Variants in EXOC4 observed in about 807,000 individuals in gnomAD.
EXOC4 encodes exocyst complex component 4.
EXOC4 carries 71 observed loss-of-function variants against 107.2 expected under a neutral mutation model. The observed-to-expected ratio is 0.66, with a 90% CI of 0.55 to 0.81. The LOEUF (loss-of-function observed/expected upper bound fraction) is 0.81, where lower values mean the gene tolerates loss of function less well. EXOC4 is among the 30% of genes least tolerant of loss of function. EXOC4 has a pLI of 0.00. For synonymous variants in EXOC4, 456 were observed against 441.2 expected, an observed-to-expected ratio of 1.03 and a Z score of -0.42; for missense variants, 1,108 against 1,189.6, an observed-to-expected ratio of 0.93 and a Z score of 1.01.
At chr7:133,294,168 G>T (rs546084688) in intron 3 of EXOC4, among the ~76,000 whole-genome samples, 4 of 152,158 alleles carry the variant, frequency 2.6e-5, no homozygotes, top group Non-Finnish European at 4.4e-5. Flanking sequence ...TACAAAGAGT[G>T]ATTAATTCTG....
chr7:133,533,190 G>A (rs949899900), intron 9 of EXOC4, among the ~76,000 whole-genome samples: 1 of 152,058 alleles, frequency 6.6e-6, no homozygotes, highest in East Asian at 1.9e-4. Flanking sequence ...AACCATTTCT[G>A]TTTAGTATTT....
At chr7:133,900,285 A>T (rs1180380073) in intron 12 of EXOC4, among the ~76,000 whole-genome samples, 1 of 152,234 alleles carries the variant, frequency 6.6e-6, no homozygotes, top group Non-Finnish European at 1.5e-5. Flanking sequence ...TTAATTCATG[A>T]CAGAAAATAT....
chr7:133,563,704 G>T (rs569051802), intron 9 of EXOC4, among the ~76,000 whole-genome samples: 1 of 152,220 alleles, frequency 6.6e-6, no homozygotes, highest in African/African-American at 2.4e-5. Context: ...TAAGTTAGTG[G>T]GGAAAATTTA....
chr7:133,520,062 G>C (rs118190597), intron 9 of EXOC4, among the ~76,000 whole-genome samples: 1 of 152,036 alleles, frequency 6.6e-6, no homozygotes, highest in Non-Finnish European at 1.5e-5. Flanking sequence ...TACTTCTTGC[G>C]TAATGAAAGA....
chr7:134,056,404 T>C (rs572948193), intron 17 of EXOC4, among the ~76,000 whole-genome samples: 1 of 152,366 alleles, frequency 6.6e-6, no homozygotes, highest in South Asian at 2.1e-4. Context: ...AGGGTAATTC[T>C]ATTCACTCTT....
At chr7:133,325,729 T>C (rs1330235015) in intron 5 of EXOC4, among the ~76,000 whole-genome samples, 1 of 152,214 alleles carries the variant, frequency 6.6e-6, no homozygotes, top group Admixed American at 6.5e-5. Flanking sequence ...TGTGGCATTC[T>C]CTGTATTTCC....
intron 17 of EXOC4, among the ~76,000 whole-genome samples, chr7:134,062,591 G>A (rs1206804128): frequency 6.6e-6 from 1 of 152,150 alleles, no homozygotes; most frequent in Non-Finnish European, 1.5e-5. Context: ...GCCTGGTTCT[G>A]TCCCCTCGAT....
rs1234039568 is a variant in EXOC4 at position 133,688,328 on chromosome 7, T to A, written c.1514+58187T>A. On this transcript the variant is annotated intron_variant, in intron 10 of 17. Coordinates refer to ENST00000253861, the MANE Select transcript of EXOC4 (RefSeq NM_021807.4). ...TTTTCCTTTGATCAATGCATATGTT[T>A]GATTAAACAGAATGAAAATCTACAA... 2.0e-5 allele frequency among the ~76,000 whole-genome samples: 3 copies of A among 152,202 alleles called. No individual in the cohort carries two copies. The East Asian group carries it at 5.8e-4, about 29-fold the overall frequency.
At chr7:133,275,475 C>G (rs576278675) in intron 2 of EXOC4, among the ~76,000 whole-genome samples, 1 of 152,290 alleles carries the variant, frequency 6.6e-6, no homozygotes, top group Admixed American at 6.5e-5. Context: ...CCTAACAAAC[C>G]AGAAGGCATA....
In EXOC4 at chr7:133,356,940, A is replaced by G. The variant is rs573050079; in HGVS notation, c.1007+367A>G. On this transcript the variant is annotated intron_variant, in intron 6 of 17. Coordinates refer to ENST00000253861, the MANE Select transcript of EXOC4 (RefSeq NM_021807.4). ...GGTTGCAGTGAGCCGAGATTGCACC[A>G]TTGCTCTCCGGCCTAGGTGACAGAG... 1.0e-3 allele frequency among the ~76,000 whole-genome samples: 154 copies of G among 152,310 alleles called. No homozygotes were observed. In the Middle Eastern group the frequency reaches 0.01, roughly 10 times the overall value.
intron 10 of EXOC4, among the ~76,000 whole-genome samples, chr7:133,752,956 T>G (rs759695601): frequency 2.6e-5 from 4 of 152,248 alleles, no homozygotes; most frequent in Non-Finnish European, 1.5e-5. Context: ...TCTGATGCCA[T>G]GTTTTGCTAA....
At chr7:133,655,560 T>G (rs1369893696) in intron 10 of EXOC4, among the ~76,000 whole-genome samples, 1 of 152,196 alleles carries the variant, frequency 6.6e-6, no homozygotes, top group Non-Finnish European at 1.5e-5. Context: ...AAATTTTTTA[T>G]TTTTTTACTT....
intron 14 of EXOC4, among the ~76,000 whole-genome samples, chr7:133,983,490 A>G (rs1302519307): frequency 6.6e-6 from 1 of 152,178 alleles, no homozygotes; most frequent in Non-Finnish European, 1.5e-5. Context: ...TTGCTGTGTC[A>G]TATTGGGAAG....
At chr7:133,507,649 A>G (rs1292862434) in intron 9 of EXOC4, among the ~76,000 whole-genome samples, 2 of 152,202 alleles carry the variant, frequency 1.3e-5, no homozygotes, top group East Asian at 1.9e-4. Context: ...AATCACTCCT[A>G]TGTTGATGAC....
At chr7:133,566,251 C>CT (rs949883409) in intron 9 of EXOC4, among the ~76,000 whole-genome samples, 22 of 152,120 alleles carry the variant, frequency 1.4e-4, no homozygotes, top group Admixed American at 4.6e-4. Context: ...CTCATCTGTG[C>CT]TTTATCTATA....
In EXOC4 at chr7:133,474,377, A is replaced by G. The variant is rs573214822; in HGVS notation, c.1183-951A>G. 2.6e-4 allele frequency among the ~76,000 whole-genome samples: 39 copies of G among 152,070 alleles called. 1 individual carries two copies. The Middle Eastern group carries it at 0.01, about 40-fold the overall frequency. On this transcript the variant is annotated intron_variant, in intron 7 of 17. Transcript: ENST00000253861. ...GTTGCCCAGGCTGGAGTGCAGTGGC[A>G]TGATCTCGGCTCACTGCAACCTCTG...
intron 12 of EXOC4, among the ~76,000 whole-genome samples, chr7:133,896,521 AG>A (rs3841544): frequency 0.62 from 94,002 of 151,764 alleles, 31,555 homozygotes; most frequent in African/African-American, 0.89. Flanking sequence ...AGAAAGAGAA[AG>A]GGGTTGTAGT....
At chr7:133,860,730 C>T (rs1798516452) in intron 11 of EXOC4, among the ~76,000 whole-genome samples, 1 of 152,122 alleles carries the variant, frequency 6.6e-6, no homozygotes, top group African/African-American at 2.4e-5. Flanking sequence ...GATTTAAATG[C>T]TTTAATTTAA....
intron 10 of EXOC4, among the ~76,000 whole-genome samples, chr7:133,765,653 G>T (rs780648634): frequency 2.0e-5 from 3 of 151,978 alleles, no homozygotes; most frequent in Admixed American, 6.6e-5. Context: ...TTTTAGAAAT[G>T]ACCTAATTAA....
Sources: gnomAD v4.1 joint callset for allele counts (sites outside exome capture counted in the v4.1 genomes callset) on GRCh38, gnomAD v4.1.1 for gene constraint, MANE v1.5 for transcripts, NCBI Gene and HGNC (gene_info 2026-07-23, HGNC 2026-07-21) for gene names.